Variants in SLC30A9 observed in about 807,000 individuals in gnomAD.
SLC30A9 encodes the protein proton-coupled zinc antiporter SLC30A9, mitochondrial.
Under a neutral mutation model 87.5 loss-of-function variants are expected in SLC30A9, and 58 were observed. That is an observed-to-expected ratio of 0.66 (90% CI 0.54 to 0.82). The LOEUF is 0.82. Among genes scored for constraint, SLC30A9 ranks in the 40% least tolerant of loss-of-function variants. SLC30A9 has a pLI of 0.00. For missense variants in SLC30A9, 557 were observed against 679.1 expected (o/e 0.82, Z 2.00); for synonymous variants, 234 against 233.0 (o/e 1.00, Z -0.04).
chr4:42,035,252 A>T, intron 6 of SLC30A9, 23 bp from the exon 7 acceptor site: 2 of 1,582,670 alleles, frequency 1.3e-6, no homozygotes, highest in East Asian at 4.5e-5. Flanking sequence ...CTATGACCTA[A>T]ATTTATTTTG....
chr4:41,992,018 C>T (rs923385990), intron 1 of SLC30A9, among the ~76,000 whole-genome samples: 3 of 152,068 alleles, frequency 2.0e-5, no homozygotes, highest in Non-Finnish European at 4.4e-5. Flanking sequence ...TGGCAATATA[C>T]TGCCAGGTTC....
At chr4:42,016,274 A>G (rs1715716774) in intron 2 of SLC30A9, among the ~76,000 whole-genome samples, 3 of 152,192 alleles carry the variant, frequency 2.0e-5, no homozygotes, top group African/African-American at 4.8e-5. Flanking sequence ...ATAATGGAAA[A>G]TGTTTTAAGG....
intron 2 of SLC30A9, among the ~76,000 whole-genome samples, chr4:42,006,191 T>C (rs903915936): frequency 2.0e-5 from 3 of 152,214 alleles, no homozygotes; most frequent in African/African-American, 7.2e-5. Context: ...TTTTATAAGA[T>C]GGACTTGAGC....
intron 8 of SLC30A9, among the ~76,000 whole-genome samples, chr4:42,046,615 G>A (rs536454397): frequency 6.6e-6 from 1 of 152,092 alleles, no homozygotes; most frequent in Admixed American, 6.6e-5. Flanking sequence ...TTCCATGCTC[G>A]TGGATAGGAA....
intron 1 of SLC30A9, among the ~76,000 whole-genome samples, chr4:41,998,043 GAA>G (rs59865554): frequency 0.048 from 7,341 of 152,346 alleles, 248 homozygotes; most frequent in African/African-American, 0.078. Context: ...TTGTGTGAGA[GAA>G]AAAGAGTGTC....
chr4:42,010,972 C>G (rs955543129), intron 2 of SLC30A9, among the ~76,000 whole-genome samples: 9 of 152,024 alleles, frequency 5.9e-5, no homozygotes, highest in African/African-American at 1.9e-4. Context: ...TTGAACTTAT[C>G]CACCCACCCC....
At chr4:42,046,604 A>G (rs1219002350) in intron 8 of SLC30A9, among the ~76,000 whole-genome samples, 1 of 152,192 alleles carries the variant, frequency 6.6e-6, no homozygotes, top group African/African-American at 2.4e-5. Flanking sequence ...ATGGAAAAAC[A>G]TTCCATGCTC....
At chr4:42,048,471 G>A (rs546420104) in intron 8 of SLC30A9, among the ~76,000 whole-genome samples, 1 of 151,720 alleles carries the variant, frequency 6.6e-6, no homozygotes, top group African/African-American at 2.4e-5. Flanking sequence ...ATAAAATGGG[G>A]GTGTTAATAT....
At chr4:42,068,271 T>G (rs1423031722) in intron 14 of SLC30A9, among the ~76,000 whole-genome samples, 1 of 151,500 alleles carries the variant, frequency 6.6e-6, no homozygotes, top group Non-Finnish European at 1.5e-5. Flanking sequence ...GAGACAGAGT[T>G]TTGCTCTTGT....
intron 7 of SLC30A9, among the ~76,000 whole-genome samples, chr4:42,036,191 C>T (rs1383538319): frequency 1.3e-5 from 2 of 152,266 alleles, no homozygotes; most frequent in East Asian, 1.9e-4. Context: ...TGCCAACAGC[C>T]TCACTCTTTA....
intron 8 of SLC30A9, among the ~76,000 whole-genome samples, chr4:42,047,753 C>A (rs145986340): frequency 0.019 from 2,941 of 152,290 alleles, 100 homozygotes; most frequent in African/African-American, 0.067. Flanking sequence ...GATTATAAAT[C>A]ATTCTACTAT....
intron 8 of SLC30A9, among the ~76,000 whole-genome samples, chr4:42,048,072 T>C (rs1027433428): frequency 6.6e-6 from 1 of 151,276 alleles, no homozygotes; most frequent in Non-Finnish European, 1.5e-5. Flanking sequence ...CACTGGGGCC[T>C]ATTGGGGGGT....
intron 6 of SLC30A9, among the ~76,000 whole-genome samples, chr4:42,026,713 CTTT>C (rs1168719605): frequency 1.3e-5 from 1 of 74,488 alleles, no homozygotes; most frequent in East Asian, 2.9e-3. Context: ...AAGTTTGTTC[CTTT>C]TTTTTTTTCT....
intron 2 of SLC30A9, among the ~76,000 whole-genome samples, chr4:42,008,372 T>C (rs933676088): frequency 6.6e-6 from 1 of 152,228 alleles, no homozygotes; most frequent in African/African-American, 2.4e-5. Context: ...GTTTTCCATA[T>C]TTTATTTCCT....
chr4:42,048,438 G>A (rs1309295369), intron 8 of SLC30A9, among the ~76,000 whole-genome samples: 3 of 152,062 alleles, frequency 2.0e-5, no homozygotes, highest in African/African-American at 7.2e-5. Context: ...GTAGCTAAAA[G>A]GGGACATACA....
chr4:42,064,523 A>G (rs1183151748), intron 11 of SLC30A9, among the ~76,000 whole-genome samples: 1 of 152,240 alleles, frequency 6.6e-6, no homozygotes, highest in Non-Finnish European at 1.5e-5. Flanking sequence ...TACATTTCAT[A>G]TAATTAAAAC....
At chr4:42,006,149 A>T (rs916899075) in intron 2 of SLC30A9, among the ~76,000 whole-genome samples, 5 of 152,202 alleles carry the variant, frequency 3.3e-5, no homozygotes, top group Admixed American at 6.5e-5. Context: ...ACATGGGAGG[A>T]TGTGCATAGG....
At chr4:42,000,068 G>A (rs1226694118) in intron 1 of SLC30A9, among the ~76,000 whole-genome samples, 5 of 152,004 alleles carry the variant, frequency 3.3e-5, no homozygotes, top group African/African-American at 9.7e-5. Context: ...CTTTGCATAC[G>A]TTTGAGATTT....
At chr4:42,064,420 A>G (rs925343460) in intron 11 of SLC30A9, among the ~76,000 whole-genome samples, 1 of 151,686 alleles carries the variant, frequency 6.6e-6, no homozygotes, top group Non-Finnish European at 1.5e-5. Flanking sequence ...CTGTTATATC[A>G]TGCAAATCTA....
Sources: allele counts gnomAD v4.1 joint callset (sites outside exome capture counted in the v4.1 genomes callset), GRCh38; gene constraint gnomAD v4.1.1; transcripts MANE v1.5; gene names NCBI Gene and HGNC (gene_info 2026-07-23, HGNC 2026-07-21).